Variants in TECPR2 observed in about 807,000 individuals in gnomAD.
TECPR2 encodes tectonin beta-propeller repeat-containing protein 2.
In TECPR2, 65 loss-of-function variants were observed where a neutral mutation model predicts 138.1. That is an observed-to-expected ratio of 0.47 (90% CI 0.39 to 0.58). TECPR2 has a LOEUF of 0.58. Among genes scored for constraint, TECPR2 ranks in the 20% least tolerant of loss-of-function variants. The probability of loss-of-function intolerance (pLI) is 0.00; values close to 1 mark genes in which losing one functional copy is unlikely to be tolerated. For missense variants in TECPR2, 1,553 were observed against 1,824.5 expected (o/e 0.85, Z 2.71); for synonymous variants, 746 against 749.8 (o/e 0.99, Z 0.08).
intron 17 of TECPR2, among the ~76,000 whole-genome samples, chr14:102,494,940 C>T (rs1169669194): frequency 1.3e-5 from 2 of 152,000 alleles, no homozygotes; most frequent in African/African-American, 4.8e-5. Flanking sequence ...TGGCCAGGCA[C>T]GGTGGCTCAC....
intron 10 of TECPR2, 142 bp from the exon 11 acceptor site, chr14:102,440,294 G>T: frequency 8.7e-7 from 1 of 1,142,886 alleles, no homozygotes; most frequent in Non-Finnish European, 1.2e-6. Flanking sequence ...ACCTGGGTCT[G>T]GTGGCCTCTT....
chr14:102,477,416 C>G (rs758833939), intron 17 of TECPR2, among the ~76,000 whole-genome samples: 1 of 151,864 alleles, frequency 6.6e-6, no homozygotes, highest in African/African-American at 2.4e-5. Context: ...TCAGTGCTTA[C>G]TCAAGGCCTG....
At chr14:102,451,785 C>T (rs1381731957) in intron 15 of TECPR2, among the ~76,000 whole-genome samples, 2 of 152,150 alleles carry the variant, frequency 1.3e-5, no homozygotes, top group Non-Finnish European at 2.9e-5. Context: ...GCATTTTAAA[C>T]AGAATCTGTT....
At chr14:102,374,484 G>T (rs907159468) in intron 1 of TECPR2, among the ~76,000 whole-genome samples, 3 of 152,170 alleles carry the variant, frequency 2.0e-5, no homozygotes, top group Non-Finnish European at 4.4e-5. Context: ...CTTCCTGGCT[G>T]AGTGCAGTGG....
At chr14:102,438,790 A>G (rs1889750390) in intron 10 of TECPR2, among the ~76,000 whole-genome samples, 1 of 151,888 alleles carries the variant, frequency 6.6e-6, no homozygotes, top group South Asian at 2.1e-4. Context: ...TGTTTCCTGA[A>G]CGATGTTCTC....
At chr14:102,371,168 G>A (rs1443768383) in intron 1 of TECPR2, among the ~76,000 whole-genome samples, 2 of 152,128 alleles carry the variant, frequency 1.3e-5, no homozygotes. Flanking sequence ...GTTCTTCCTC[G>A]GTGGAAAGAG....
intron 1 of TECPR2, among the ~76,000 whole-genome samples, chr14:102,371,979 T>A (rs1448486690): frequency 6.6e-6 from 1 of 152,196 alleles, no homozygotes; most frequent in Non-Finnish European, 1.5e-5. Flanking sequence ...TTGTGACTTT[T>A]CTTTACTTCT....
chr14:102,478,238 A>G (rs914207233), intron 17 of TECPR2, among the ~76,000 whole-genome samples: 1 of 151,894 alleles, frequency 6.6e-6, no homozygotes, highest in African/African-American at 2.4e-5. Context: ...TTGTAGAGGC[A>G]TAGTCTTGCT....
intron 17 of TECPR2, among the ~76,000 whole-genome samples, chr14:102,466,083 A>G (rs1024949420): frequency 2.0e-5 from 3 of 152,150 alleles, no homozygotes; most frequent in African/African-American, 7.2e-5. Flanking sequence ...GGAGTCAGGA[A>G]AGAGGTAAAG....
chr14:102,365,939 G>A (rs951314410), intron 1 of TECPR2, among the ~76,000 whole-genome samples: 6 of 152,156 alleles, frequency 3.9e-5, no homozygotes, highest in East Asian at 1.9e-4. Context: ...GTCTCATTAC[G>A]TTCCTCCTTA....
Position 102,434,848 on chromosome 14 carries a change from C to T in TECPR2, c.2031C>T (p.Pro677=). The change falls in exon 9 of 20, where the codon CCC becomes CCT. Residue 677 remains proline (P), a synonymous_variant. Transcript: ENST00000359520. ...CTGATGAAGGCAGCCCCGTGGAGCCCAGCCAAGAGCAGGACATCCTAACCA... is the reference window on the plus strand; with the variant it reads ...CTGATGAAGGCAGCCCCGTGGAGCCTAGCCAAGAGCAGGACATCCTAACCA... ...TRADEGSPVE[P]SQEQDILTSM... The T allele has an allele frequency of 6.2e-7, 1 of 1,613,542 alleles. No individual in the cohort carries two copies. The highest frequency in any genetic ancestry group is 8.5e-7 in the Non-Finnish European group (1 of 1,179,986).
At position 102,415,718 on chromosome 14, in the gene TECPR2, G is replaced by A. The variant is rs1477073454; in HGVS notation, c.638+925G>A. 1.3e-5 allele frequency among the ~76,000 whole-genome samples: 2 copies of A among 152,176 alleles called. No individual in the cohort carries two copies. The highest frequency in any genetic ancestry group is 2.9e-5 in the Non-Finnish European group (2 of 68,026). On this transcript the variant is annotated intron_variant, in intron 5 of 19. Transcript: ENST00000359520. The surrounding 1 kb of genome is among the most constrained non-coding windows in gnomAD (Gnocchi z 4.3). ...TACAGTCATGGATTGTCGATTGGCC[G>A]ATGGGAGCTGGAAGAGTTCCCGTCT...
chr14:102,382,060 G>A (rs545306022), intron 2 of TECPR2, among the ~76,000 whole-genome samples: 2 of 152,184 alleles, frequency 1.3e-5, no homozygotes, highest in Non-Finnish European at 2.9e-5. Context: ...TTGGGAGGCC[G>A]AGGCGGGTGG....
At chr14:102,477,494 A>G (rs1890789236) in intron 17 of TECPR2, among the ~76,000 whole-genome samples, 1 of 150,892 alleles carries the variant, frequency 6.6e-6, no homozygotes, top group East Asian at 2.0e-4. Flanking sequence ...AGCTTACCCA[A>G]TTATGTACTT....
At chr14:102,363,147 A>C in intron 1 of TECPR2, 31 bp downstream of exon 1, 1 of 334,898 alleles carries the variant, frequency 3.0e-6, no homozygotes, top group Non-Finnish European at 5.3e-6. Flanking sequence ...AGCGGCCCCG[A>C]CGCCCCCGAC....
At position 102,395,682 on chromosome 14, in the gene TECPR2, C is replaced by T. The variant is rs191113505; in HGVS notation, c.220-11656C>T. Among the ~76,000 whole-genome samples, 26 of 152,204 alleles carry T rather than the reference C, an allele frequency of 1.7e-4. No individual in the cohort carries two copies. In the East Asian group the frequency reaches 3.1e-3, roughly 18 times the overall value. ...GCATGGTGGCGTCTGCCTGTAATCC[C>T]ATCGACTCAGGAGGCTGAGGCAGGA... On this transcript the variant is annotated intron_variant, in intron 2 of 19. Transcript: ENST00000359520.
chr14:102,368,760 G>A (rs1404032761), intron 1 of TECPR2, among the ~76,000 whole-genome samples: 3 of 152,166 alleles, frequency 2.0e-5, no homozygotes, highest in African/African-American at 7.2e-5. Flanking sequence ...GGGGGCAGGT[G>A]TGGAAGACCA....
Position 102,387,017 on chromosome 14 carries a change from G to C in TECPR2, c.219+10077G>C, listed in dbSNP as rs547146054. ...GATTTCAAGGATATGGAATACAGAT[G>C]CGTGGTCTCTTTGGAATGTCCAAGT... is the stretch of plus-strand genomic sequence containing the variant. On this transcript the variant is annotated intron_variant, in intron 2 of 19. Transcript: ENST00000359520. 2.0e-4 allele frequency among the ~76,000 whole-genome samples: 31 copies of C among 152,306 alleles called. No homozygotes were observed. In the South Asian group the frequency reaches 6.4e-3, roughly 32 times the overall value.
intron 9 of TECPR2, among the ~76,000 whole-genome samples, chr14:102,437,560 GA>G (rs144527153): frequency 8.9e-5 from 13 of 145,616 alleles, no homozygotes; most frequent in African/African-American, 3.0e-4. Context: ...TCTCAAAAAG[GA>G]AAAAAAAAAG....
Sources: allele counts gnomAD v4.1 joint callset (sites outside exome capture counted in the v4.1 genomes callset), GRCh38; gene constraint gnomAD v4.1.1; non-coding constraint Gnocchi (gnomAD v3.1); transcripts MANE v1.5; gene names NCBI Gene and HGNC (gene_info 2026-07-23, HGNC 2026-07-21).